The following NFATC3 variants were observed in gnomAD, a reference collection of about 807,000 sequenced individuals.
NFATC3 encodes the protein nuclear factor of activated T cells 3.
NFATC3 carries 46 observed loss-of-function variants against 98.6 expected under a neutral mutation model. The ratio of observed to expected loss-of-function variants is 0.47; its 90% CI spans 0.37 to 0.60. The LOEUF is 0.60. NFATC3 is among the 20% of genes least tolerant of loss of function. NFATC3 has a pLI of 0.00. For missense variants in NFATC3, 1,256 were observed against 1,295.5 expected (o/e 0.97, Z 0.47); for synonymous variants, 512 against 472.2 (o/e 1.08, Z -1.09).
At chr16:68,103,835 A>G (rs972517382) in intron 1 of NFATC3, among the ~76,000 whole-genome samples, 1 of 152,198 alleles carries the variant, frequency 6.6e-6, no homozygotes, top group Admixed American at 6.5e-5. Context: ...GCACCCTTGT[A>G]AAAAATCAAT....
At chr16:68,176,227 C>T (rs933899496) in intron 6 of NFATC3, among the ~76,000 whole-genome samples, 3 of 152,152 alleles carry the variant, frequency 2.0e-5, no homozygotes, top group African/African-American at 7.2e-5. Context: ...CCACCCGTCT[C>T]GGCCTCCCAA....
chr16:68,204,173 G>A (rs1486385314), intron 9 of NFATC3, among the ~76,000 whole-genome samples: 1 of 151,892 alleles, frequency 6.6e-6, no homozygotes, highest in Non-Finnish European at 1.5e-5. Flanking sequence ...GGGCGACAGA[G>A]CAAGACTCCA....
intron 4 of NFATC3, 65 bp downstream of exon 4, chr16:68,158,133 A>C (rs2038708032): frequency 2.0e-6 from 2 of 1,013,682 alleles, no homozygotes; most frequent in Non-Finnish European, 2.8e-6. Context: ...AAAAAAGTAA[A>C]TATATTTTTG....
At chr16:68,205,333 G>A (rs1024125286) in intron 9 of NFATC3, among the ~76,000 whole-genome samples, 6 of 151,774 alleles carry the variant, frequency 4.0e-5, no homozygotes, top group Admixed American at 1.3e-4. Flanking sequence ...CTGCAGCCTC[G>A]ACCTCCCAGG....
At chr16:68,132,299 T>A (rs565695203) in intron 3 of NFATC3, among the ~76,000 whole-genome samples, 2 of 152,092 alleles carry the variant, frequency 1.3e-5, no homozygotes, top group East Asian at 3.9e-4. Flanking sequence ...GAGGGTGGGG[T>A]AGGGTGAGGA....
intron 3 of NFATC3, among the ~76,000 whole-genome samples, chr16:68,152,042 C>A (rs1276478795): frequency 6.9e-6 from 1 of 145,284 alleles, no homozygotes. Flanking sequence ...GCACTCTAAC[C>A]TAAGTAAGTG....
At chr16:68,132,604 T>C (rs952101808) in intron 3 of NFATC3, among the ~76,000 whole-genome samples, 1 of 152,070 alleles carries the variant, frequency 6.6e-6, no homozygotes, top group Non-Finnish European at 1.5e-5. Flanking sequence ...AGCCAAGATA[T>C]GGAATCAACC....
At chr16:68,214,858 A>T (rs2041571180) in intron 9 of NFATC3, among the ~76,000 whole-genome samples, 1 of 152,084 alleles carries the variant, frequency 6.6e-6, no homozygotes, top group Admixed American at 6.5e-5. Context: ...CAGAATATTT[A>T]TCCCTAGCCT....
chr16:68,202,904 G>A (rs947914182), intron 9 of NFATC3, among the ~76,000 whole-genome samples: 12 of 152,112 alleles, frequency 7.9e-5, no homozygotes, highest in East Asian at 1.9e-4. Flanking sequence ...CATCTATGAG[G>A]TATAATCACT....
At chr16:68,142,625 G>A (rs983069397) in intron 3 of NFATC3, among the ~76,000 whole-genome samples, 13 of 152,044 alleles carry the variant, frequency 8.6e-5, no homozygotes, top group African/African-American at 3.1e-4. Context: ...GGGCGTGGTG[G>A]TGGGTGCCTG....
chr16:68,179,812 G>A (rs2039878029), intron 6 of NFATC3, among the ~76,000 whole-genome samples: 1 of 152,112 alleles, frequency 6.6e-6, no homozygotes, highest in African/African-American at 2.4e-5. Context: ...ACAAGTCAAG[G>A]GATCCAACAA....
At chr16:68,128,572 G>A (rs753425138) in intron 3 of NFATC3, among the ~76,000 whole-genome samples, 6 of 151,814 alleles carry the variant, frequency 4.0e-5, no homozygotes, top group East Asian at 1.9e-4. Flanking sequence ...TGAAAAAACC[G>A]ATGCATGTGC....
chr16:68,148,371 G>A (rs948888044), intron 3 of NFATC3, among the ~76,000 whole-genome samples: 1 of 151,930 alleles, frequency 6.6e-6, no homozygotes, highest in Non-Finnish European at 1.5e-5. Flanking sequence ...TTATGGAATA[G>A]TTTCCATAAT....
chr16:68,166,742 G>T, intron 4 of NFATC3, 101 bp from the exon 5 acceptor site: 1 of 869,370 alleles, frequency 1.2e-6, no homozygotes, highest in South Asian at 2.2e-5. Flanking sequence ...ACCTAATTTT[G>T]GGTAGTTTTT....
chr16:68,144,022 C>CT (rs913949668), intron 3 of NFATC3, among the ~76,000 whole-genome samples: 1 of 152,024 alleles, frequency 6.6e-6, no homozygotes, highest in Non-Finnish European at 1.5e-5. Context: ...AAATTAAAAA[C>CT]TTTAGCTCCG....
chr16:68,159,176 G>A (rs1403193711), intron 4 of NFATC3, among the ~76,000 whole-genome samples: 1 of 152,170 alleles, frequency 6.6e-6, no homozygotes, highest in Non-Finnish European at 1.5e-5. Flanking sequence ...GTGGCAGTTA[G>A]TCGAGATAGT....
intron 1 of NFATC3, among the ~76,000 whole-genome samples, chr16:68,088,497 T>A (rs914177725): frequency 7.6e-6 from 1 of 132,044 alleles, no homozygotes; most frequent in African/African-American, 2.6e-5. Flanking sequence ...TAATATATAT[T>A]TTATATATTA....
chr16:68,173,065 T>C (rs918703737), intron 5 of NFATC3, among the ~76,000 whole-genome samples: 1 of 151,866 alleles, frequency 6.6e-6, no homozygotes, highest in African/African-American at 2.4e-5. Flanking sequence ...GAGAACAGCC[T>C]GGGCAACAAA....
At chr16:68,093,115 G>A (rs1430495233) in intron 1 of NFATC3, among the ~76,000 whole-genome samples, 1 of 152,122 alleles carries the variant, frequency 6.6e-6, no homozygotes, top group African/African-American at 2.4e-5. Context: ...CAGATATCAA[G>A]CTCATCACCT....
Sources: allele counts gnomAD v4.1 joint callset (sites outside exome capture counted in the v4.1 genomes callset), GRCh38; gene constraint gnomAD v4.1.1; transcripts MANE v1.5; gene names NCBI Gene and HGNC (gene_info 2026-07-23, HGNC 2026-07-21).